The following AGBL4 variants were observed in gnomAD, a reference collection of about 807,000 sequenced individuals.
AGBL4 encodes cytosolic carboxypeptidase 6.
A neutral mutation model predicts 66.4 loss-of-function variants in AGBL4; 58 were observed. That is an observed-to-expected ratio of 0.87 (90% confidence interval 0.71 to 1.09). AGBL4 has a LOEUF of 1.09. Ranked by LOEUF, AGBL4 falls within the 50% of genes least tolerant of loss-of-function variation. The pLI is 0.00. For synonymous variants in AGBL4, 234 were observed against 222.9 expected, an observed-to-expected ratio of 1.05 and a Z score of -0.44; for missense variants, 579 against 631.0, an observed-to-expected ratio of 0.92 and a Z score of 0.88.
chr1:48,835,335 T>C (rs1219070303), intron 6 of AGBL4, among the ~76,000 whole-genome samples: 3 of 152,154 alleles, frequency 2.0e-5, no homozygotes, highest in African/African-American at 7.2e-5. Context: ...TGGGATCTAA[T>C]GATGAGCAAA....
intron 6 of AGBL4, among the ~76,000 whole-genome samples, chr1:48,811,099 G>A (rs1023795397): frequency 2.0e-5 from 3 of 150,478 alleles, no homozygotes; most frequent in Non-Finnish European, 4.4e-5. Context: ...CCTCTCTCTG[G>A]CTCTGTCGCC....
intron 2 of AGBL4, among the ~76,000 whole-genome samples, chr1:49,754,409 G>T (rs1023332626): frequency 5.9e-5 from 9 of 151,774 alleles, no homozygotes; most frequent in Non-Finnish European, 1.3e-4. Context: ...TGATGCCATT[G>T]CTTTCTGTTT....
intron 4 of AGBL4, among the ~76,000 whole-genome samples, chr1:49,100,337 A>G (rs1645178613): frequency 6.6e-6 from 1 of 152,142 alleles, no homozygotes; most frequent in Non-Finnish European, 1.5e-5. Context: ...TTAGGAAGGA[A>G]CACAACATTG....
intron 6 of AGBL4, among the ~76,000 whole-genome samples, chr1:48,674,798 T>A (rs1384919821): frequency 1.3e-5 from 2 of 152,158 alleles, no homozygotes; most frequent in African/African-American, 2.4e-5. Context: ...TCATTCTACA[T>A]GTGTTTCTTG....
chr1:49,769,237 CAT>C lies in AGBL4; in HGVS notation c.158-71802_158-71801del, dbSNP rs530691370. On this transcript the variant is annotated intron_variant, in intron 2 of 13. Transcript: ENST00000371839. The stretch of plus-strand genomic sequence containing the variant: ...ATAGCCACACACACACACACACACA[CAT>C]ACACAAACAAACACCTAGGAATACA... 1.9e-3 allele frequency among the ~76,000 whole-genome samples: 293 copies of C among 152,038 alleles called. 9 individuals carry two copies. In the South Asian group the frequency reaches 0.059, roughly 31 times the overall value.
chr1:49,379,454 G>A (rs115869596), intron 3 of AGBL4, among the ~76,000 whole-genome samples: 95 of 152,152 alleles, frequency 6.2e-4, no homozygotes, highest in Non-Finnish European at 1.2e-3. Flanking sequence ...ATCTTTCTTC[G>A]ACATCAGCAC....
Position 48,653,471 on chromosome 1 carries a change from C to G in AGBL4, c.725-20G>C. On this transcript the variant is annotated intron_variant, in intron 7 of 13. Coordinates refer to ENST00000371839, the MANE Select transcript of AGBL4 (RefSeq NM_032785.4). ...TGATCCCTAGGGAAAGAGAAGAGCC[C>G]GGTTTAACAACAAAGCATTTCAAGA... is the stretch of plus-strand genomic sequence containing the variant. 1 of 1,493,330 alleles carries G rather than the reference C, an allele frequency of 6.7e-7. No individual in the cohort carries two copies. The highest frequency in any genetic ancestry group is 9.1e-7 in the Non-Finnish European group (1 of 1,097,658). The allele number at this position is 1,493,330 out of a possible 1,614,324, so 92.5% of individuals were successfully genotyped here.
chr1:49,810,346 A>G (rs1386306084), intron 2 of AGBL4, among the ~76,000 whole-genome samples: 3 of 152,214 alleles, frequency 2.0e-5, no homozygotes, highest in African/African-American at 7.2e-5. Flanking sequence ...GGCCTATTAC[A>G]TTCTAGGAAA....
intron 2 of AGBL4, among the ~76,000 whole-genome samples, chr1:49,816,215 C>T (rs761518229): frequency 6.6e-6 from 1 of 152,092 alleles, no homozygotes; most frequent in Non-Finnish European, 1.5e-5. Context: ...CTCACTAGTA[C>T]TACTTTACAG....
At chr1:48,861,648 T>G (rs947139875) in intron 6 of AGBL4, among the ~76,000 whole-genome samples, 1 of 152,224 alleles carries the variant, frequency 6.6e-6, no homozygotes, top group African/African-American at 2.4e-5. Flanking sequence ...TATATGGGAA[T>G]GCAAGACAGG....
At position 49,064,345 on chromosome 1, in the gene AGBL4, G is replaced by A. The variant is rs529046226; in HGVS notation, c.378-18545C>T. Among the ~76,000 whole-genome samples, 7 of 152,278 alleles carry A rather than the reference G, an allele frequency of 4.6e-5. No individual in the cohort carries two copies. In the East Asian group the frequency reaches 1.2e-3, roughly 25 times the overall value. On this transcript the variant is annotated intron_variant, in intron 4 of 13. Coordinates refer to ENST00000371839, the MANE Select transcript of AGBL4 (RefSeq NM_032785.4). ...CAAGTAAAAGGCCTTGCTGTTCCTT[G>A]CCAAAGCACATGCACTATCTAGGCA...
At chr1:49,232,208 A>G (rs1032791821) in intron 4 of AGBL4, among the ~76,000 whole-genome samples, 12 of 152,170 alleles carry the variant, frequency 7.9e-5, no homozygotes, top group African/African-American at 2.9e-4. Context: ...CACTTCAGAT[A>G]AGTGAACTAT....
intron 3 of AGBL4, among the ~76,000 whole-genome samples, chr1:49,551,068 T>C (rs1167859488): frequency 6.6e-6 from 1 of 152,180 alleles, no homozygotes; most frequent in African/African-American, 2.4e-5. Context: ...TGAATTTCTT[T>C]CTTCTACTTG....
downstream of AGBL4, among the ~76,000 whole-genome samples, chr1:48,530,489 G>T (rs1433062026): frequency 6.6e-6 from 1 of 152,136 alleles, no homozygotes; most frequent in African/African-American, 2.4e-5. Context: ...TACAGTGAAA[G>T]GATACTAGTT....
intron 3 of AGBL4, among the ~76,000 whole-genome samples, chr1:49,515,894 G>C (rs1326898676): frequency 3.3e-5 from 4 of 122,382 alleles, no homozygotes; most frequent in African/African-American, 1.2e-4. Flanking sequence ...GTTGTGGGGT[G>C]GGGGGAGGGG....
At chr1:48,868,108 C>T (rs1469766875) in intron 5 of AGBL4, among the ~76,000 whole-genome samples, 1 of 152,166 alleles carries the variant, frequency 6.6e-6, no homozygotes, top group African/African-American at 2.4e-5. Context: ...TTTCTCTTTC[C>T]TACACTTGAT....
intron 5 of AGBL4, among the ~76,000 whole-genome samples, chr1:48,993,063 A>T (rs1488822988): frequency 6.6e-6 from 1 of 152,086 alleles, no homozygotes; most frequent in Non-Finnish European, 1.5e-5. Flanking sequence ...GTCTCTCCCC[A>T]TAGCCACCAT....
chr1:49,872,172 A>T (rs1359373298), intron 1 of AGBL4, among the ~76,000 whole-genome samples: 1 of 152,022 alleles, frequency 6.6e-6, no homozygotes. Flanking sequence ...TTTTTAAGCT[A>T]TTTACAGCCT....
At chr1:49,408,769 T>G (rs1645256516) in intron 3 of AGBL4, among the ~76,000 whole-genome samples, 1 of 152,254 alleles carries the variant, frequency 6.6e-6, no homozygotes, top group South Asian at 2.1e-4. Context: ...AAGGCTACAC[T>G]GTCAGCTTCC....
Sources: allele counts gnomAD v4.1 joint callset (sites outside exome capture counted in the v4.1 genomes callset), GRCh38; gene constraint gnomAD v4.1.1; transcripts MANE v1.5; gene names NCBI Gene and HGNC (gene_info 2026-07-23, HGNC 2026-07-21).